The following ITPR1 variants were observed in gnomAD, a reference collection of about 807,000 sequenced individuals.
The protein encoded by ITPR1 is inositol 1,4,5-trisphosphate-gated calcium channel ITPR1.
In ITPR1, 96 loss-of-function variants were observed where a neutral mutation model predicts 318.4. The observed-to-expected ratio is 0.30, with a 90% confidence interval of 0.26 to 0.36. The LOEUF is 0.36. Among genes scored for constraint, ITPR1 ranks in the 10% least tolerant of loss-of-function variants. ITPR1 has a pLI of 1.00. For missense variants in ITPR1, 2,440 were observed against 3,460.2 expected, an observed-to-expected ratio of 0.71 and a Z score of 7.40; for synonymous variants, 1,312 against 1,289.9, an observed-to-expected ratio of 1.02 and a Z score of -0.37.
At chr3:4,712,135 AT>A (rs1574970391) in intron 39 of ITPR1, among the ~76,000 whole-genome samples, 1 of 152,166 alleles carries the variant, frequency 6.6e-6, no homozygotes, top group East Asian at 1.9e-4. Context: ...TAATAACAAG[AT>A]TTTCCATCTA....
chr3:4,495,614 C>T (rs1394076888), intron 2 of ITPR1, among the ~76,000 whole-genome samples: 2 of 152,204 alleles, frequency 1.3e-5, no homozygotes, highest in East Asian at 1.9e-4. Context: ...GGTCCACAGA[C>T]TCTTTTCTAA....
intron 17 of ITPR1, among the ~76,000 whole-genome samples, chr3:4,665,508 C>T (rs1448357161): frequency 6.6e-6 from 1 of 152,176 alleles, no homozygotes; most frequent in Non-Finnish European, 1.5e-5. Flanking sequence ...CTTCTGCAGA[C>T]ATCTTTCTAT....
At chr3:4,671,503 T>C (rs1423755932) in intron 20 of ITPR1, 1 of 152,298 alleles carries the variant, frequency 6.6e-6, no homozygotes, top group Non-Finnish European at 1.5e-5. Flanking sequence ...CTTCACCTTT[T>C]CCATTTCATG....
chr3:4,819,868 A>G (rs1413925706), intron 60 of ITPR1, among the ~76,000 whole-genome samples: 1 of 152,234 alleles, frequency 6.6e-6, no homozygotes, highest in Non-Finnish European at 1.5e-5. Flanking sequence ...AATGCTGATG[A>G]TGGCTTATCC....
At chr3:4,681,342 G>C in intron 25 of ITPR1, 22 bp from the exon 26 acceptor site, 1 of 1,585,684 alleles carries the variant, frequency 6.3e-7, no homozygotes, top group East Asian at 2.2e-5. Context: ...TGCATCTGAA[G>C]TGGTATGTTC....
chr3:4,542,908 G>T (rs2124979382), intron 4 of ITPR1, among the ~76,000 whole-genome samples: 2 of 152,238 alleles, frequency 1.3e-5, no homozygotes, highest in South Asian at 2.1e-4. Flanking sequence ...AACTGCTTCA[G>T]TACATTTCAA....
rs2125227767 is a variant in ITPR1, at chr3:4,680,649, T to C, written c.3064T>C (p.Ser1022Pro). The C allele has an allele frequency of 6.2e-7, 1 of 1,613,746 alleles. No individual in the cohort carries two copies. Among genetic ancestry groups the C allele is most frequent in the Non-Finnish European group, 8.5e-7 (1 of 1,179,750 alleles). ...AAGCAATTCCCAGACTTCAGAAACATCCTCCGGAAACAGCAGCCAAGAAGG... is the reference window on the plus strand; with the variant it reads ...AAGCAATTCCCAGACTTCAGAAACACCCTCCGGAAACAGCAGCCAAGAAGG... ...DESNSQTSET[S>P]SGNSSQEGPS... Residue 1022 changes from serine (S) to proline (P), a missense_variant, in exon 25 of 62, where the codon TCC (serine) becomes CCC (proline). Transcript: ENST00000649015.
chr3:4,581,736 G>T (rs903154795), intron 4 of ITPR1, among the ~76,000 whole-genome samples: 1 of 152,160 alleles, frequency 6.6e-6, no homozygotes. Flanking sequence ...AATAGTGTAC[G>T]GCAGGAATTG....
intron 4 of ITPR1, among the ~76,000 whole-genome samples, chr3:4,609,980 G>C (rs1053009766): frequency 2.6e-5 from 4 of 152,176 alleles, no homozygotes; most frequent in African/African-American, 7.2e-5. Flanking sequence ...GAGCAAGGGA[G>C]GGGGGACCAG....
chr3:4,709,480 C>T (rs2094826469), intron 37 of ITPR1, among the ~76,000 whole-genome samples: 1 of 152,238 alleles, frequency 6.6e-6, no homozygotes, highest in Non-Finnish European at 1.5e-5. Flanking sequence ...CCTTGGGTAA[C>T]CAGGCCTTCC....
In ITPR1 at chr3:4,685,193, T is replaced by C. The variant is rs1211381881; in HGVS notation, c.3689T>C (p.Ile1230Thr). The C allele has an allele frequency of 3.1e-6, 5 of 1,603,592 alleles. No individual in the cohort carries two copies. Among genetic ancestry groups the C allele is most frequent in the African/African-American group, 1.3e-5 (1 of 75,000 alleles). The change falls in exon 30 of 62, where the codon ATT becomes ACT. Residue 1230 changes from isoleucine to threonine, a missense_variant. Coordinates refer to ENST00000649015, the MANE Select transcript of ITPR1 (RefSeq NM_001378452.1). ...GCCGTGGTGCTGGAGCTGCTGCAGA[T>C]TCCCTATGAGAAGGTGAGCGGTGCC... ...AHAVVLELLQ[I>T]PYEKAEDTKM...
At chr3:4,548,588 A>G (rs1396981458) in intron 4 of ITPR1, among the ~76,000 whole-genome samples, 3 of 152,070 alleles carry the variant, frequency 2.0e-5, no homozygotes, top group Non-Finnish European at 4.4e-5. Context: ...TGTCCTGTTT[A>G]TTGGAGTTGT....
At chr3:4,635,525 T>G (rs2093160092) in intron 5 of ITPR1, among the ~76,000 whole-genome samples, 1 of 151,820 alleles carries the variant, frequency 6.6e-6, no homozygotes, top group South Asian at 2.1e-4. Flanking sequence ...TATTTTTTTT[T>G]TAGTAGAGAC....
In ITPR1 at chr3:4,725,701, G is replaced by A. The variant is rs900682907; in HGVS notation, c.5172+120G>A. The A allele has an allele frequency of 4.7e-6, 4 of 847,410 alleles. No homozygotes were observed. In the Admixed American group the frequency reaches 6.0e-5, roughly 13 times the overall value. The allele number at this position is 847,410 out of a possible 1,614,324, so 52.5% of individuals were successfully genotyped here. Reference sequence around the variant, plus strand: ...GTCTCTCCCGGTGGTAGATGTAGGAGGGAGGTCTCTAGGCTGGCTGGGAAC... The same window carrying A: ...GTCTCTCCCGGTGGTAGATGTAGGAAGGAGGTCTCTAGGCTGGCTGGGAAC... On this transcript the variant is annotated intron_variant, in intron 41 of 61. Coordinates refer to ENST00000649015, the MANE Select transcript of ITPR1 (RefSeq NM_001378452.1).
chr3:4,550,478 T>C (rs1426658605), intron 4 of ITPR1, among the ~76,000 whole-genome samples: 1 of 152,228 alleles, frequency 6.6e-6, no homozygotes, highest in African/African-American at 2.4e-5. Flanking sequence ...ACTATTGTTA[T>C]CCTCATGCCT....
intron 61 of ITPR1, among the ~76,000 whole-genome samples, chr3:4,839,657 A>G (rs548941412): frequency 6.6e-6 from 1 of 152,368 alleles, no homozygotes; most frequent in East Asian, 1.9e-4. Context: ...ACAAGTGAGC[A>G]TAGTAGAGAC....
In ITPR1 at chr3:4,830,784, C is replaced by T. The variant is rs1476541494; in HGVS notation, c.8029-5990C>T. Among the ~76,000 whole-genome samples the T allele has an allele frequency of 2.0e-5, 3 of 152,172 alleles. No individual in the cohort carries two copies. In the East Asian group the frequency reaches 5.8e-4, roughly 29 times the overall value. Reference sequence around the variant, plus strand: ...TCTTCCCAGAGGGGATTCTCAAGGGCAGAGAAAGCAACAAGACCATTTTTC... The same window carrying T: ...TCTTCCCAGAGGGGATTCTCAAGGGTAGAGAAAGCAACAAGACCATTTTTC... On this transcript the variant is annotated intron_variant, in intron 60 of 61. Transcript: ENST00000649015.
At chr3:4,664,391 A>C (rs1281455557) in intron 16 of ITPR1, among the ~76,000 whole-genome samples, 1 of 152,232 alleles carries the variant, frequency 6.6e-6, no homozygotes, top group East Asian at 1.9e-4. Flanking sequence ...TTAGCCCACA[A>C]ACTTGCCACC....
At chr3:4,514,211 G>A (rs1207424527) in intron 2 of ITPR1, among the ~76,000 whole-genome samples, 2 of 152,092 alleles carry the variant, frequency 1.3e-5, no homozygotes, top group African/African-American at 4.8e-5. Context: ...CAACAAAATG[G>A]CAATAATGGT....
Sources: gnomAD v4.1 joint callset for allele counts (sites outside exome capture counted in the v4.1 genomes callset) on GRCh38, gnomAD v4.1.1 for gene constraint, MANE v1.5 for transcripts, NCBI Gene and HGNC (gene_info 2026-07-23, HGNC 2026-07-21) for gene names.